MYOM2: variants seen among roughly 807,000 people sequenced by gnomAD.
MYOM2 encodes the protein myomesin 2, also known as myomesin-2.
Under a neutral mutation model 187.6 loss-of-function variants are expected in MYOM2, and 254 were observed. The observed-to-expected ratio is 1.35, with a 90% confidence interval of 1.22 to 1.50. The LOEUF is 1.50. MYOM2 is among the 40% of genes most tolerant of loss of function. The pLI is 0.00. For missense variants in MYOM2, 2,796 were observed against 1,924.0 expected (o/e 1.45, Z -8.48); for synonymous variants, 981 against 753.8 (o/e 1.30, Z -4.94).
At chr8:2,049,412 T>A (rs17064570) in intron 1 of MYOM2, among the ~76,000 whole-genome samples, 4,851 of 152,320 alleles carry the variant, frequency 0.032, 274 homozygotes, top group African/African-American at 0.11. Context: ...AATACTGTGA[T>A]TCTCGGAGAT....
chr8:2,078,808 G>C lies in MYOM2; in HGVS notation c.1337G>C (p.Gly446Ala). The C allele has an allele frequency of 6.2e-7, 1 of 1,614,144 alleles. No individual in the cohort carries two copies. Among genetic ancestry groups the C allele is most frequent in the Non-Finnish European group, 8.5e-7 (1 of 1,180,034 alleles). Residue 446 changes from glycine to alanine, a missense_variant, in exon 12 of 37, where the codon GGG becomes GCG. Gly to Ala is a moderately conservative substitution (Grantham distance 60). Coordinates refer to ENST00000262113, the MANE Select transcript of MYOM2 (RefSeq NM_003970.4). The part of the protein sequence containing the change: ...PVKICKYPVT[G>A]LFEGRSYIFR... ...AAAATCTGCAAATACCCGGTCACAG[G>C]GCTTTTTGAAGGAAGGTCTTACATA...
chr8:2,138,710 A>G (rs1326620966), intron 32 of MYOM2, among the ~76,000 whole-genome samples: 1 of 152,164 alleles, frequency 6.6e-6, no homozygotes, highest in Admixed American at 6.5e-5. Context: ...TGTGTCAGTT[A>G]TGTTCCAAAG....
chr8:2,078,654 C>T lies in MYOM2; in HGVS notation c.1263-80C>T. 4 of 1,235,542 alleles carry T rather than the reference C, an allele frequency of 3.2e-6. No individual in the cohort carries two copies. In the South Asian group the frequency reaches 4.9e-5, roughly 15 times the overall value. The allele number at this position is 1,235,542 out of a possible 1,614,324, so 76.5% of individuals were successfully genotyped here. ...ATTGTCCTGTTATAATCAGTGTGTGCATATATGCATATACCTATGTATATT... is the reference window on the plus strand; with the variant it reads ...ATTGTCCTGTTATAATCAGTGTGTGTATATATGCATATACCTATGTATATT... On this transcript the variant is annotated intron_variant, in intron 11 of 36. Coordinates refer to ENST00000262113, the MANE Select transcript of MYOM2 (RefSeq NM_003970.4).
At chr8:2,046,543 A>G (rs987057788) in intron 1 of MYOM2, among the ~76,000 whole-genome samples, 11 of 152,082 alleles carry the variant, frequency 7.2e-5, no homozygotes, top group African/African-American at 2.7e-4. Context: ...AGGATTATCT[A>G]CACACAGGCT....
Position 2,101,059 on chromosome 8 carries a change from G to C in MYOM2, c.2619+5G>C. 1.9e-6 allele frequency: 3 copies of C among 1,613,728 alleles called. No individual in the cohort carries two copies. Among genetic ancestry groups the C allele is most frequent in the Non-Finnish European group, 2.5e-6 (3 of 1,179,804 alleles). On this transcript the variant is annotated splice_donor_5th_base_variant and intron_variant, in intron 20 of 36. Coordinates refer to ENST00000262113, the MANE Select transcript of MYOM2 (RefSeq NM_003970.4). The stretch of plus-strand genomic sequence containing the variant: ...ACAGCCAGCCGTTATTTAAAGGTAA[G>C]TCTTGGCCGGCTGTGGTGGCTCATG...
intron 6 of MYOM2, among the ~76,000 whole-genome samples, chr8:2,063,521 A>G (rs1818916696): frequency 1.3e-5 from 2 of 152,234 alleles, no homozygotes; most frequent in South Asian, 4.1e-4. Flanking sequence ...TATTTTTATG[A>G]AAGTATTTAT....
chr8:2,102,647 G>A lies in MYOM2; in HGVS notation c.2620-20G>A, dbSNP rs762202487. 1.3e-6 allele frequency: 2 copies of A among 1,553,818 alleles called. No homozygotes were observed. Among genetic ancestry groups the A allele is most frequent in the Non-Finnish European group, 1.8e-6 (2 of 1,128,012 alleles). ...TTTATTTTACCTCCACACATCTGGT[G>A]TTTCCTCTGTTGTTTCAAGGTCTCT... On this transcript the variant is annotated intron_variant, in intron 20 of 36. Transcript: ENST00000262113.
At chr8:2,092,263 C>T in intron 15 of MYOM2, 83 bp from the exon 16 acceptor site, 1 of 1,498,942 alleles carries the variant, frequency 6.7e-7, no homozygotes, top group Middle Eastern at 1.8e-4. Context: ...GTCCAGTTCC[C>T]TGTGAAAAGG....
intron 5 of MYOM2, among the ~76,000 whole-genome samples, 192 bp from the exon 6 acceptor site, chr8:2,058,961 G>A (rs866070154): frequency 6.6e-6 from 1 of 152,230 alleles, no homozygotes; most frequent in Non-Finnish European, 1.5e-5. Flanking sequence ...CGAGGAAAGC[G>A]CTGCTCTCGC....
intron 34 of MYOM2, 63 bp from the exon 35 acceptor site, chr8:2,142,312 T>C: frequency 6.6e-7 from 1 of 1,513,052 alleles, no homozygotes; most frequent in South Asian, 1.1e-5. Context: ...CTGTGCATTT[T>C]GTTGGAAGCA....
chr8:2,046,773 G>A lies in MYOM2; in HGVS notation c.-13+1605G>A, dbSNP rs1314900198. ...TTTCTTTTTTTTTTTTTTGGTTGGT[G>A]TGTGTAGGGGGTATTTAACACATGT... is the stretch of plus-strand genomic sequence containing the variant. On this transcript the variant is annotated intron_variant, in intron 1 of 36. Transcript: ENST00000262113. Among the ~76,000 whole-genome samples the A allele has an allele frequency of 2.1e-5, 3 of 144,038 alleles. No homozygotes were observed. In the South Asian group the frequency reaches 6.6e-4, roughly 32 times the overall value. 94.5% of individuals were successfully genotyped at this position (144,038 alleles called of 152,430 possible).
intron 10 of MYOM2, among the ~76,000 whole-genome samples, chr8:2,075,614 T>A (rs1205042577): frequency 6.6e-6 from 1 of 152,206 alleles, no homozygotes; most frequent in African/African-American, 2.4e-5. Context: ...CTCTGTTGGT[T>A]TTCATGCAGC....
chr8:2,135,178 C>T (rs1052379492), intron 32 of MYOM2, among the ~76,000 whole-genome samples: 2 of 152,172 alleles, frequency 1.3e-5, no homozygotes, highest in African/African-American at 4.8e-5. Flanking sequence ...TTACATCAAG[C>T]AGTTTCAGAA....
At chr8:2,128,544 A>G (rs1797736600) in intron 31 of MYOM2, among the ~76,000 whole-genome samples, 1 of 152,218 alleles carries the variant, frequency 6.6e-6, no homozygotes, top group Non-Finnish European at 1.5e-5. Flanking sequence ...CCTCTGACCC[A>G]TAGATCATCT....
intron 23 of MYOM2, among the ~76,000 whole-genome samples, chr8:2,107,066 G>T (rs908607355): frequency 6.6e-6 from 1 of 152,202 alleles, no homozygotes; most frequent in Non-Finnish European, 1.5e-5. Context: ...AGACGGCAGA[G>T]AGAAGTGAGA....
chr8:2,101,578 G>A (rs563935450), intron 20 of MYOM2, among the ~76,000 whole-genome samples: 6 of 152,274 alleles, frequency 3.9e-5, no homozygotes, highest in South Asian at 2.1e-4. Context: ...CCTTGAGGAC[G>A]CAGAGCCCTC....
Position 2,116,042 on chromosome 8 carries a change from ACAC to A in MYOM2, c.3264_3266del (p.Thr1089del). Reference sequence around the variant, plus strand: ...TTTAGTATTGAAAATGAGGGGACCTACACTGTGCAGATTCATGATGGGAAAGCC... The same window carrying A: ...TTTAGTATTGAAAATGAGGGGACCTATGTGCAGATTCATGATGGGAAAGCC... On this transcript the variant is annotated inframe_deletion, in exon 26 of 37. Coordinates refer to ENST00000262113, the MANE Select transcript of MYOM2 (RefSeq NM_003970.4). The A allele has an allele frequency of 1.9e-6, 3 of 1,614,172 alleles. No homozygotes were observed. The highest frequency in any genetic ancestry group is 2.5e-6 in the Non-Finnish European group (3 of 1,180,028).
intron 19 of MYOM2, 50 bp from the exon 20 acceptor site, chr8:2,100,826 G>A: frequency 6.3e-7 from 1 of 1,599,124 alleles, no homozygotes; most frequent in Non-Finnish European, 8.6e-7. Context: ...GGCGGTGGGT[G>A]TGCTGGACTG....
At chr8:2,122,992 T>C (rs988159093) in intron 28 of MYOM2, among the ~76,000 whole-genome samples, 2 of 152,140 alleles carry the variant, frequency 1.3e-5, no homozygotes, top group African/African-American at 4.8e-5. Flanking sequence ...TAGTCTAATT[T>C]CATGGACTAG....
Sources: allele counts gnomAD v4.1 joint callset (sites outside exome capture counted in the v4.1 genomes callset), GRCh38; gene constraint gnomAD v4.1.1; transcripts MANE v1.5; gene names NCBI Gene and HGNC (gene_info 2026-07-23, HGNC 2026-07-21).